The following CSMD1 variants were observed in gnomAD, a reference collection of about 807,000 sequenced individuals.
CSMD1 encodes CUB and sushi domain-containing protein 1.
Under a neutral mutation model 417.5 loss-of-function variants are expected in CSMD1, and 213 were observed. The ratio of observed to expected loss-of-function variants is 0.51; its 90% CI spans 0.46 to 0.57. The LOEUF is 0.57. Among genes scored for constraint, CSMD1 ranks in the 20% least tolerant of loss-of-function variants. CSMD1 has a pLI of 0.00. For synonymous variants in CSMD1, 2,862 were observed against 1,736.8 expected, an observed-to-expected ratio of 1.65 and a Z score of -16.11; for missense variants, 6,923 against 4,529.7, an observed-to-expected ratio of 1.53 and a Z score of -15.17.
chr8:4,945,524 GAA>G (rs34004775), intron 1 of CSMD1, among the ~76,000 whole-genome samples: 53 of 141,502 alleles, frequency 3.7e-4, no homozygotes, highest in East Asian at 1.0e-3. Flanking sequence ...GGAAGGACAT[GAA>G]AAAAAAAAAA....
chr8:4,222,001 C>G (rs1189962569), intron 3 of CSMD1, among the ~76,000 whole-genome samples: 1 of 152,050 alleles, frequency 6.6e-6, no homozygotes, highest in Non-Finnish European at 1.5e-5. Flanking sequence ...CGGTCTGTCC[C>G]TACACCACAT....
At chr8:4,211,278 A>T (rs1026308996) in intron 3 of CSMD1, among the ~76,000 whole-genome samples, 11 of 152,034 alleles carry the variant, frequency 7.2e-5, no homozygotes, top group Non-Finnish European at 8.8e-5. Flanking sequence ...CCAAAGATTG[A>T]TCCCTTTTCT....
intron 2 of CSMD1, among the ~76,000 whole-genome samples, chr8:4,616,713 C>G (rs1365471123): frequency 2.6e-5 from 4 of 152,130 alleles, no homozygotes; most frequent in Non-Finnish European, 4.4e-5. Flanking sequence ...GTCACTTATC[C>G]AATGGTGATG....
At chr8:3,884,655 A>G (rs1408107353) in intron 5 of CSMD1, among the ~76,000 whole-genome samples, 2 of 152,128 alleles carry the variant, frequency 1.3e-5, no homozygotes, top group Non-Finnish European at 2.9e-5. Context: ...TGACCAATAA[A>G]TTCTGGATAT....
chr8:4,774,191 C>T (rs1369907615), intron 1 of CSMD1, among the ~76,000 whole-genome samples: 2 of 152,158 alleles, frequency 1.3e-5, no homozygotes, highest in Non-Finnish European at 1.5e-5. Context: ...CAGAGCGAGG[C>T]TGTCTCAAAA....
At chr8:3,824,917 T>A (rs1395053210) in intron 5 of CSMD1, among the ~76,000 whole-genome samples, 9 of 152,162 alleles carry the variant, frequency 5.9e-5, no homozygotes, top group Non-Finnish European at 1.2e-4. Context: ...CCCTGTTAAT[T>A]AGCACCATAA....
At chr8:3,892,816 A>T (rs1388542302) in intron 5 of CSMD1, among the ~76,000 whole-genome samples, 1 of 148,660 alleles carries the variant, frequency 6.7e-6, no homozygotes. Context: ...CAGGTGAGCC[A>T]TGACGCCCAA....
At chr8:3,247,316 G>T (rs1328350621) in intron 26 of CSMD1, among the ~76,000 whole-genome samples, 4 of 152,154 alleles carry the variant, frequency 2.6e-5, no homozygotes, top group Admixed American at 6.5e-5. Flanking sequence ...CTGCTACCTG[G>T]ACGCAGACTC....
chr8:3,710,139 T>C (rs1801425684), intron 6 of CSMD1, among the ~76,000 whole-genome samples: 1 of 152,038 alleles, frequency 6.6e-6, no homozygotes, highest in South Asian at 2.1e-4. Flanking sequence ...TTTTTCCTGA[T>C]ATTTTTAGGC....
At chr8:3,912,469 C>A (rs1187943401) in intron 5 of CSMD1, among the ~76,000 whole-genome samples, 2 of 152,082 alleles carry the variant, frequency 1.3e-5, no homozygotes, top group African/African-American at 4.8e-5. Flanking sequence ...ACCAGAGAGG[C>A]TGCGTGCTCC....
At chr8:4,197,647 G>C (rs978172213) in intron 3 of CSMD1, among the ~76,000 whole-genome samples, 2 of 152,176 alleles carry the variant, frequency 1.3e-5, no homozygotes, top group African/African-American at 2.4e-5. Context: ...GGGAGGCCGA[G>C]GCAGGTGGAT....
chr8:4,308,069 C>A (rs1030865459), intron 3 of CSMD1, among the ~76,000 whole-genome samples: 4 of 152,136 alleles, frequency 2.6e-5, no homozygotes, highest in African/African-American at 9.7e-5. Flanking sequence ...CTCAGTTACA[C>A]ACTTTGGTCT....
intron 7 of CSMD1, among the ~76,000 whole-genome samples, chr8:3,664,718 G>C (rs1327768015): frequency 6.6e-6 from 1 of 152,178 alleles, no homozygotes; most frequent in Non-Finnish European, 1.5e-5. Context: ...TCGGGATGTT[G>C]AATAAAAATA....
rs536754974 is a variant in CSMD1 at position 3,673,570 on chromosome 8, A to G, written c.1009+34844T>C. On this transcript the variant is annotated intron_variant, in intron 7 of 69. Coordinates refer to ENST00000635120, the MANE Select transcript of CSMD1 (RefSeq NM_033225.6). ...TTCACAAAGAGCCTACCCTCTCAGTATGCACATACTTGATTCAGAGCTAAT... is the reference window on the plus strand; with the variant it reads ...TTCACAAAGAGCCTACCCTCTCAGTGTGCACATACTTGATTCAGAGCTAAT... 1.6e-4 allele frequency among the ~76,000 whole-genome samples: 24 copies of G among 152,314 alleles called. No homozygotes were observed. In the East Asian group the frequency reaches 4.1e-3, roughly 26 times the overall value.
chr8:3,217,537 G>A (rs1012868685), intron 29 of CSMD1, among the ~76,000 whole-genome samples: 2 of 151,988 alleles, frequency 1.3e-5, no homozygotes, highest in African/African-American at 2.4e-5. Context: ...GATTTTGTTG[G>A]GGGCGTGGGG....
chr8:4,749,834 T>A (rs991289855), intron 1 of CSMD1, among the ~76,000 whole-genome samples: 11 of 152,056 alleles, frequency 7.2e-5, no homozygotes, highest in African/African-American at 2.7e-4. Flanking sequence ...TGCTGGTAAT[T>A]TGGAAAGCCA....
intron 5 of CSMD1, among the ~76,000 whole-genome samples, chr8:3,818,721 A>C (rs928952528): frequency 2.0e-5 from 3 of 152,300 alleles, no homozygotes; most frequent in Non-Finnish European, 4.4e-5. Context: ...TGGAAAACAC[A>C]ACCAGAGGAA....
intron 2 of CSMD1, among the ~76,000 whole-genome samples, chr8:4,610,656 T>G (rs1801120186): frequency 6.6e-6 from 1 of 152,202 alleles, no homozygotes; most frequent in African/African-American, 2.4e-5. Flanking sequence ...ATAGTTGATT[T>G]AATTCATCCC....
chr8:4,964,813 G>C (rs1392438669), intron 1 of CSMD1, among the ~76,000 whole-genome samples: 1 of 152,174 alleles, frequency 6.6e-6, no homozygotes, highest in East Asian at 1.9e-4. Flanking sequence ...TTGTCCACCT[G>C]TTGTGCACCC....
Sources: allele counts gnomAD v4.1 joint callset (sites outside exome capture counted in the v4.1 genomes callset), GRCh38; gene constraint gnomAD v4.1.1; transcripts MANE v1.5; gene names NCBI Gene and HGNC (gene_info 2026-07-23, HGNC 2026-07-21).